Variants in CIP2A observed in about 807,000 individuals in gnomAD.
CIP2A encodes the protein cellular inhibitor of PP2A, also known as protein CIP2A.
CIP2A carries 103 observed loss-of-function variants against 110.9 expected under a neutral mutation model. The ratio of observed to expected loss-of-function variants is 0.93; its 90% CI spans 0.79 to 1.09. The LOEUF (loss-of-function observed/expected upper bound fraction) is 1.09, where lower values mean the gene tolerates loss of function less well. CIP2A is among the 50% of genes least tolerant of loss of function. CIP2A has a pLI of 0.00. For synonymous variants in CIP2A, 381 were observed against 361.6 expected, an observed-to-expected ratio of 1.05 and a Z score of -0.61; for missense variants, 1,088 against 1,038.4, an observed-to-expected ratio of 1.05 and a Z score of -0.66.
chr3:108,557,286 A>G lies in CIP2A; in HGVS notation c.2142T>C (p.Asn714=), dbSNP rs928578926. ...QSDIEHLFQH[N]RKLESVAEEH... is the part of the protein sequence containing the mutation. ...CTTCAGCCACAGACTCTAACTTCCT[A>G]TTATGTTGAAAGAGATGCTCAATAT... is the stretch of plus-strand genomic sequence containing the variant. Residue 714 remains asparagine (N), a synonymous_variant, in exon 17 of 21, where the codon AAT becomes AAC. Transcript: ENST00000295746. The G allele has an allele frequency of 1.2e-6, 2 of 1,610,598 alleles. No homozygotes were observed. Among genetic ancestry groups the G allele is most frequent in the Admixed American group, 1.7e-5 (1 of 59,934 alleles).
rs776446505 is a variant in CIP2A, at chr3:108,589,392, C to G, written c.-17G>C. On this transcript the variant is annotated 5_prime_UTR_variant, in exon 1 of 21. Coordinates refer to ENST00000295746, the MANE Select transcript of CIP2A (RefSeq NM_020890.3). ...GGAGTCCATTGCACCGGCCGCGGCC[C>G]GGCTTAGGGACCACCACCGCCCAGC... 1 of 1,592,054 alleles carries G rather than the reference C, an allele frequency of 6.3e-7. No individual in the cohort carries two copies. Among genetic ancestry groups the G allele is most frequent in the South Asian group, 1.1e-5 (1 of 89,566 alleles).
At chr3:108,559,082 A>G (rs1937909516) in intron 16 of CIP2A, among the ~76,000 whole-genome samples, 1 of 152,076 alleles carries the variant, frequency 6.6e-6, no homozygotes, top group African/African-American at 2.4e-5. Flanking sequence ...AGGGTAGAAG[A>G]CTACAGGTAG....
rs561841757 is a variant in CIP2A at position 108,569,886 on chromosome 3, T to C, written c.895-279A>G. Among the ~76,000 whole-genome samples the C allele has an allele frequency of 5.3e-5, 8 of 152,126 alleles. No individual in the cohort carries two copies. In the East Asian group the frequency reaches 1.4e-3, roughly 26 times the overall value. ...CGTTAAACTCCTCCCACTCCTTCCATAGTACTTAAATTATTTTTAAACAGA... is the reference window on the plus strand; with the variant it reads ...CGTTAAACTCCTCCCACTCCTTCCACAGTACTTAAATTATTTTTAAACAGA... On this transcript the variant is annotated intron_variant, in intron 8 of 20. Coordinates refer to ENST00000295746, the MANE Select transcript of CIP2A (RefSeq NM_020890.3).
intron 18 of CIP2A, 151 bp from the exon 19 acceptor site, chr3:108,553,881 T>A: frequency 1.4e-5 from 1 of 70,528 alleles, no homozygotes; most frequent in East Asian, 1.6e-4. Flanking sequence ...TGAAACCCCG[T>A]CTCTACTAAA....
chr3:108,583,737 T>C (rs1275693698), intron 2 of CIP2A, among the ~76,000 whole-genome samples: 1 of 152,216 alleles, frequency 6.6e-6, no homozygotes, highest in African/African-American at 2.4e-5. Context: ...GTTAACAATG[T>C]ATTGTATATT....
In CIP2A at chr3:108,551,288, A is replaced by T; in HGVS notation, c.2579T>A (p.Leu860Ter). The T allele has an allele frequency of 6.2e-7, 1 of 1,611,940 alleles. No homozygotes were observed. The highest frequency in any genetic ancestry group is 8.5e-7 in the Non-Finnish European group (1 of 1,178,730). Reference sequence around the variant, plus strand: ...CTCTTTCTCTTCCAAACGACCTTCTAATTGTGCCTTTTGAACCTCTAGGGA... The same window carrying T: ...CTCTTTCTCTTCCAAACGACCTTCTTATTGTGCCTTTTGAACCTCTAGGGA... The part of the protein sequence containing the change: ...ASSLEVQKAQ[L>*]EGRLEEKESL... The change falls in exon 21 of 21, where the codon TTA becomes TAA. Residue 860 changes from leucine (L) to a stop codon, truncating the protein, a stop_gained. Coordinates refer to ENST00000295746, the MANE Select transcript of CIP2A (RefSeq NM_020890.3). LOFTEE classifies it high-confidence loss of function.
intron 11 of CIP2A, 34 bp from the exon 12 acceptor site, chr3:108,565,488 TG>T (rs767969662): frequency 8.2e-7 from 1 of 1,213,734 alleles, no homozygotes; most frequent in Admixed American, 2.2e-5. Flanking sequence ...ATTAGATAAC[TG>T]AAAAATTTCT....
chr3:108,580,718 T>C (rs964429768), intron 5 of CIP2A, among the ~76,000 whole-genome samples: 7 of 151,768 alleles, frequency 4.6e-5, no homozygotes, highest in Non-Finnish European at 8.8e-5. Flanking sequence ...AACCTCCACC[T>C]CCCGGGTTCA....
rs1328975103 is a variant in CIP2A at position 108,589,358 on chromosome 3, G to C, written c.18C>G (p.Cys6Trp). ...TGACAGTCAGGAGCAAGGACTTCAA[G>C]CAGGCAGTGGAGTCCATTGCACCGG... MDSTA[C>W]LKSLLLTVSQ... Residue 6 changes from cysteine to tryptophan, a missense_variant, in exon 1 of 21, where the codon TGC (cysteine) becomes TGG (tryptophan). Cys to Trp is a radical substitution (Grantham distance 215). Coordinates refer to ENST00000295746, the MANE Select transcript of CIP2A (RefSeq NM_020890.3). 6.2e-7 allele frequency: 1 copy of C among 1,613,440 alleles called. No homozygotes were observed. Among genetic ancestry groups the C allele is most frequent in the Admixed American group, 1.7e-5 (1 of 59,974 alleles).
chr3:108,575,179 A>G (rs1385576776), intron 8 of CIP2A: 2 of 152,136 alleles, frequency 1.3e-5, no homozygotes, highest in Admixed American at 1.3e-4. Flanking sequence ...GAATCTCATC[A>G]CATTATGTTG....
chr3:108,571,825 A>T (rs1430815589), intron 8 of CIP2A, among the ~76,000 whole-genome samples: 2 of 152,144 alleles, frequency 1.3e-5, no homozygotes, highest in Non-Finnish European at 2.9e-5. Flanking sequence ...GTATTAATAG[A>T]TACCAGTTTT....
intron 3 of CIP2A, 81 bp from the exon 4 acceptor site, chr3:108,582,283 G>T: frequency 1.8e-6 from 1 of 542,806 alleles, no homozygotes. Flanking sequence ...GGCACATTCT[G>T]AGCATGTCCT....
chr3:108,581,987 C>T (rs1021904255), intron 4 of CIP2A, 121 bp downstream of exon 4: 16 of 470,126 alleles, frequency 3.4e-5, no homozygotes, highest in African/African-American at 2.2e-4. Context: ...AAATAAGAAT[C>T]GGAGTCTCAC....
chr3:108,584,610 T>C (rs1023986068), intron 2 of CIP2A, among the ~76,000 whole-genome samples: 25 of 152,194 alleles, frequency 1.6e-4, no homozygotes, highest in Non-Finnish European at 2.1e-4. Flanking sequence ...GGCTGCTACA[T>C]TGGATAACAC....
intron 7 of CIP2A, among the ~76,000 whole-genome samples, chr3:108,578,559 C>T (rs1236059954): frequency 6.6e-6 from 1 of 152,124 alleles, no homozygotes; most frequent in African/African-American, 2.4e-5. Flanking sequence ...TCTTCAAATC[C>T]TATTGCTGCT....
intron 1 of CIP2A, among the ~76,000 whole-genome samples, chr3:108,586,544 A>AT (rs1298792719): frequency 6.6e-6 from 1 of 152,188 alleles, no homozygotes; most frequent in African/African-American, 2.4e-5. Context: ...TAAAACAAAG[A>AT]TAATTTATTT....
At chr3:108,585,939 AGAG>A (rs1939028671) in intron 1 of CIP2A, among the ~76,000 whole-genome samples, 1 of 152,004 alleles carries the variant, frequency 6.6e-6, no homozygotes. Flanking sequence ...AAGAGAGAAG[AGAG>A]GAGGTAAAGC....
intron 16 of CIP2A, among the ~76,000 whole-genome samples, chr3:108,558,909 C>T (rs1302637201): frequency 6.6e-6 from 1 of 152,090 alleles, no homozygotes; most frequent in Non-Finnish European, 1.5e-5. Context: ...ATATGCCAAA[C>T]TAAAGAATTT....
intron 8 of CIP2A, 123 bp downstream of exon 8, chr3:108,576,148 T>C (rs1938643658): frequency 1.8e-6 from 1 of 568,982 alleles, no homozygotes; most frequent in Non-Finnish European, 3.1e-6. Context: ...TACATAATTG[T>C]GTCCCTATTA....
Sources: allele counts gnomAD v4.1 joint callset (sites outside exome capture counted in the v4.1 genomes callset), GRCh38; gene constraint gnomAD v4.1.1; transcripts MANE v1.5; gene names NCBI Gene and HGNC (gene_info 2026-07-23, HGNC 2026-07-21).